TMEM178B: variants seen among roughly 807,000 people sequenced by gnomAD.
The protein encoded by TMEM178B is transmembrane protein 178B.
In TMEM178B, 5 loss-of-function variants were observed where a neutral mutation model predicts 31.0. The observed-to-expected ratio is 0.16, with a 90% confidence interval of 0.08 to 0.34. TMEM178B has a LOEUF of 0.34. TMEM178B is among the 10% of genes least tolerant of loss of function. TMEM178B has a pLI of 1.00. For missense variants in TMEM178B, 275 were observed against 400.3 expected (o/e 0.69, Z 2.67); for synonymous variants, 164 against 164.0 (o/e 1.00, Z 0.00).
intron 1 of TMEM178B, among the ~76,000 whole-genome samples, chr7:141,181,692 C>T (rs1487877682): frequency 1.3e-5 from 2 of 152,214 alleles, no homozygotes; most frequent in Non-Finnish European, 2.9e-5. Context: ...CAACCACGAG[C>T]TAGGACCAGG....
intron 2 of TMEM178B, among the ~76,000 whole-genome samples, chr7:141,393,900 A>G (rs1800590687): frequency 6.6e-6 from 1 of 152,228 alleles, no homozygotes. Flanking sequence ...GGAATTTATT[A>G]GCCTAGAATA....
rs531319655 is a variant in TMEM178B at position 141,226,990 on chromosome 7, G to C, written c.496+14286G>C. Reference sequence around the variant, plus strand: ...ATGGAGCTTTGCAGATCTGGTTCACGAGGAGCCATCTTTGGTTGTTGTTGG... The same window carrying C: ...ATGGAGCTTTGCAGATCTGGTTCACCAGGAGCCATCTTTGGTTGTTGTTGG... On this transcript the variant is annotated intron_variant, in intron 2 of 3. Transcript: ENST00000565468. 5.9e-5 allele frequency among the ~76,000 whole-genome samples: 9 copies of C among 152,254 alleles called. No homozygotes were observed. The East Asian group carries it at 1.7e-3, about 29-fold the overall frequency.
intron 2 of TMEM178B, among the ~76,000 whole-genome samples, chr7:141,373,771 C>T (rs1026336361): frequency 6.6e-6 from 1 of 152,208 alleles, no homozygotes; most frequent in African/African-American, 2.4e-5. Flanking sequence ...GGGCTTGGTT[C>T]TGAAGGGTGA....
At chr7:141,144,521 C>T (rs1446956371) in intron 1 of TMEM178B, among the ~76,000 whole-genome samples, 1 of 152,126 alleles carries the variant, frequency 6.6e-6, no homozygotes, top group Admixed American at 6.5e-5. Context: ...TGGTAGAGCA[C>T]AGAGGGCTGG....
intron 1 of TMEM178B, among the ~76,000 whole-genome samples, chr7:141,093,951 G>A (rs1483692066): frequency 6.6e-6 from 1 of 152,158 alleles, no homozygotes; most frequent in Non-Finnish European, 1.5e-5. Context: ...ATTTTTAAAG[G>A]AGTTTTGGTA....
intron 1 of TMEM178B, among the ~76,000 whole-genome samples, chr7:141,095,444 T>C (rs1683148431): frequency 1.3e-5 from 2 of 152,256 alleles, no homozygotes; most frequent in Non-Finnish European, 2.9e-5. Flanking sequence ...AAAATGTTTT[T>C]TGGAATGTGT....
chr7:141,167,037 T>C (rs1194012646), intron 1 of TMEM178B, among the ~76,000 whole-genome samples: 1 of 152,248 alleles, frequency 6.6e-6, no homozygotes, highest in Non-Finnish European at 1.5e-5. Context: ...TTAAAGATCA[T>C]AGCCAGTAGC....
chr7:141,180,283 T>A lies in TMEM178B; in HGVS notation c.383-32308T>A, dbSNP rs112507557. ...TGAGGTCAGGAGTTTGAGACCAGCC[T>A]GGTCAACATGATGAAAAATGCAAAA... is the stretch of plus-strand genomic sequence containing the variant. On this transcript the variant is annotated intron_variant, in intron 1 of 3. Transcript: ENST00000565468. 2.0e-4 allele frequency among the ~76,000 whole-genome samples: 30 copies of A among 152,006 alleles called. No homozygotes were observed. In the South Asian group the frequency reaches 5.8e-3, roughly 30 times the overall value.
intron 2 of TMEM178B, among the ~76,000 whole-genome samples, chr7:141,434,527 G>A (rs1372871815): frequency 6.6e-6 from 1 of 152,090 alleles, no homozygotes; most frequent in Non-Finnish European, 1.5e-5. Flanking sequence ...ACATTTTTGG[G>A]ATACGTGTGA....
chr7:141,436,886 G>A (rs1801553666), intron 2 of TMEM178B, among the ~76,000 whole-genome samples: 1 of 152,192 alleles, frequency 6.6e-6, no homozygotes, highest in African/African-American at 2.4e-5. Flanking sequence ...CTCAGAAAGC[G>A]GGGCTGACCC....
intron 1 of TMEM178B, among the ~76,000 whole-genome samples, chr7:141,093,505 AG>A (rs1310342924): frequency 6.6e-6 from 1 of 152,206 alleles, no homozygotes; most frequent in African/African-American, 2.4e-5. Context: ...TTGGGGGAGA[AG>A]TCTCACTGGG....
intron 1 of TMEM178B, among the ~76,000 whole-genome samples, chr7:141,203,781 C>G (rs1796917360): frequency 6.6e-6 from 1 of 152,140 alleles, no homozygotes; most frequent in Non-Finnish European, 1.5e-5. Context: ...GTCATGGGGA[C>G]AGCATGAGAT....
intron 2 of TMEM178B, among the ~76,000 whole-genome samples, chr7:141,279,308 C>CTTTT (rs1017840892): frequency 6.6e-6 from 1 of 152,138 alleles, no homozygotes; most frequent in African/African-American, 2.4e-5. Flanking sequence ...GTTTCAGGTG[C>CTTTT]TTTTCATTTT....
chr7:141,249,638 G>C lies in TMEM178B; in HGVS notation c.496+36934G>C, dbSNP rs143150993. Among the ~76,000 whole-genome samples the C allele has an allele frequency of 2.4e-3, 290 of 123,054 alleles. 2 individuals carry two copies. In the East Asian group the frequency reaches 0.056, roughly 24 times the overall value. 80.7% of individuals were successfully genotyped at this position (123,054 alleles called of 152,430 possible). A position where few individuals can be genotyped will look rare whatever the true frequency, so the allele number is the denominator to read the frequency against. On this transcript the variant is annotated intron_variant, in intron 2 of 3. Coordinates refer to ENST00000565468, the MANE Select transcript of TMEM178B (RefSeq NM_001195278.2). The stretch of plus-strand genomic sequence containing the variant: ...CTCTGCCCTGTTGGTAATTACATGG[G>C]ACCCAGTGAGAAAAGGGGCTCATGT...
At chr7:141,406,359 T>C (rs879858427) in intron 2 of TMEM178B, among the ~76,000 whole-genome samples, 3 of 152,174 alleles carry the variant, frequency 2.0e-5, no homozygotes, top group Non-Finnish European at 4.4e-5. Flanking sequence ...CCTTCCATCT[T>C]GACCCTGTAC....
chr7:141,399,682 T>G (rs901020992), intron 2 of TMEM178B, among the ~76,000 whole-genome samples: 1 of 152,218 alleles, frequency 6.6e-6, no homozygotes, highest in South Asian at 2.1e-4. Flanking sequence ...AGATGGTTTA[T>G]GGGCATCATT....
intron 1 of TMEM178B, among the ~76,000 whole-genome samples, chr7:141,082,080 C>T (rs1177807570): frequency 1.3e-5 from 2 of 152,214 alleles, no homozygotes; most frequent in African/African-American, 4.8e-5. Context: ...GGCTATACCA[C>T]ATAACCTTGG....
At chr7:141,218,533 A>G (rs10246611) in intron 2 of TMEM178B, among the ~76,000 whole-genome samples, 121,963 of 152,174 alleles carry the variant, frequency 0.8, 49,095 homozygotes, top group Middle Eastern at 0.88. Flanking sequence ...CTCAGTCTTA[A>G]GGGACCAGTC....
At chr7:141,161,059 GT>G (rs1048263843) in intron 1 of TMEM178B, among the ~76,000 whole-genome samples, 131 of 152,218 alleles carry the variant, frequency 8.6e-4, no homozygotes, top group Middle Eastern at 3.4e-3. Flanking sequence ...GTTTCACCAC[GT>G]TGGTCAGGCT....
Sources: allele counts gnomAD v4.1 joint callset (sites outside exome capture counted in the v4.1 genomes callset), GRCh38; gene constraint gnomAD v4.1.1; transcripts MANE v1.5; gene names NCBI Gene and HGNC (gene_info 2026-07-23, HGNC 2026-07-21).